The following RBFOX1 variants were observed in gnomAD, a reference collection of about 807,000 sequenced individuals.
RBFOX1 encodes the protein RNA binding protein fox-1 homolog 1.
A neutral mutation model predicts 57.7 loss-of-function variants in RBFOX1; 8 were observed. The ratio of observed to expected loss-of-function variants is 0.14; its 90% confidence interval spans 0.08 to 0.25. The LOEUF (loss-of-function observed/expected upper bound fraction) is 0.25. Among genes scored for constraint, RBFOX1 ranks in the 10% least tolerant of loss-of-function variants. RBFOX1 has a pLI of 1.00. For missense variants in RBFOX1, 611 were observed against 548.5 expected (o/e 1.11, Z -1.14); for synonymous variants, 326 against 222.4 (o/e 1.47, Z -4.15).
At chr16:5,657,973 C>T (rs536290054) in intron 3 of RBFOX1, among the ~76,000 whole-genome samples, 1 of 151,962 alleles carries the variant, frequency 6.6e-6, no homozygotes, top group Non-Finnish European at 1.5e-5. Context: ...TTCAGGTGAT[C>T]CACCCACCTC....
intron 4 of RBFOX1, among the ~76,000 whole-genome samples, chr16:7,391,693 G>A (rs1345045451): frequency 6.6e-6 from 1 of 152,188 alleles, no homozygotes; most frequent in Non-Finnish European, 1.5e-5. Flanking sequence ...AGACTGTAAA[G>A]GCCATGCAGA....
intron 2 of RBFOX1, among the ~76,000 whole-genome samples, chr16:6,480,893 G>A (rs1428081924): frequency 2.6e-5 from 4 of 152,032 alleles, no homozygotes; most frequent in Non-Finnish European, 5.9e-5. Flanking sequence ...CTGCTATATG[G>A]TATTCCATCA....
At chr16:6,219,609 T>A (rs1378865927) in intron 1 of RBFOX1, among the ~76,000 whole-genome samples, 1 of 152,094 alleles carries the variant, frequency 6.6e-6, no homozygotes, top group African/African-American at 2.4e-5. Flanking sequence ...GCGTGGTGGC[T>A]CATGCTTGTA....
intron 4 of RBFOX1, among the ~76,000 whole-genome samples, chr16:7,056,977 A>G (rs1349364313): frequency 1.3e-5 from 2 of 152,080 alleles, no homozygotes; most frequent in Non-Finnish European, 2.9e-5. Context: ...TAAAATAAGA[A>G]TAGCTTTCTC....
At chr16:6,589,456 CA>C (rs1226630464) in intron 2 of RBFOX1, among the ~76,000 whole-genome samples, 2 of 152,164 alleles carry the variant, frequency 1.3e-5, no homozygotes, top group African/African-American at 4.8e-5. Context: ...GGAGATGAGT[CA>C]CTTCCTCGGT....
At chr16:7,549,837 C>T (rs1464930235) in intron 5 of RBFOX1, among the ~76,000 whole-genome samples, 2 of 152,212 alleles carry the variant, frequency 1.3e-5, no homozygotes, top group Non-Finnish European at 2.9e-5. Context: ...TCTTCGGAAA[C>T]ACCCTCACGG....
intron 4 of RBFOX1, among the ~76,000 whole-genome samples, chr16:7,391,367 A>C (rs969418202): frequency 4.6e-5 from 7 of 152,170 alleles, no homozygotes; most frequent in African/African-American, 1.7e-4. Context: ...AAGATCTCCA[A>C]GGATACCAAT....
chr16:6,950,488 G>T (rs1412037988), intron 3 of RBFOX1, among the ~76,000 whole-genome samples: 1 of 152,156 alleles, frequency 6.6e-6, no homozygotes, highest in Non-Finnish European at 1.5e-5. Flanking sequence ...AATGTTTGAT[G>T]ACCTGAATTG....
At chr16:6,603,799 T>G (rs1385532472) in intron 2 of RBFOX1, among the ~76,000 whole-genome samples, 3 of 152,286 alleles carry the variant, frequency 2.0e-5, no homozygotes, top group East Asian at 3.9e-4. Context: ...CCTTTTTTAT[T>G]TCTCGTCCTG....
At chr16:5,647,136 G>A (rs918127689) in intron 3 of RBFOX1, among the ~76,000 whole-genome samples, 27 of 152,146 alleles carry the variant, frequency 1.8e-4, no homozygotes, top group Non-Finnish European at 2.4e-4. Context: ...TGCATCAGTG[G>A]ACAAAATCCT....
chr16:6,991,079 C>T (rs1596310798), intron 3 of RBFOX1, among the ~76,000 whole-genome samples: 2 of 141,694 alleles, frequency 1.4e-5, no homozygotes, highest in South Asian at 4.8e-4. Context: ...AGGTGGGTGG[C>T]CTGCTTCAGC....
chr16:5,837,009 C>T (rs142644854), intron 3 of RBFOX1, among the ~76,000 whole-genome samples: 1 of 152,276 alleles, frequency 6.6e-6, no homozygotes, highest in East Asian at 1.9e-4. Flanking sequence ...TCCCTAGAGC[C>T]CTTGCGTGGT....
At chr16:7,062,058 C>T (rs1665918448) in intron 4 of RBFOX1, among the ~76,000 whole-genome samples, 1 of 151,972 alleles carries the variant, frequency 6.6e-6, no homozygotes, top group Admixed American at 6.6e-5. Context: ...TGGCTCACAC[C>T]TGTAATCCCA....
In RBFOX1 at chr16:7,710,657, G is replaced by C. The variant is rs774141231; in HGVS notation, c.1106G>C (p.Arg369Thr). The change falls in exon 16 of 16, where the codon AGG becomes ACG. Residue 369 changes from arginine (R) to threonine (T), a missense_variant. Around this residue, in one of 3 missense-constraint regions of RBFOX1, gnomAD observed 267 missense variants for 229.1 expected, o/e 1.17. Coordinates refer to ENST00000550418, the MANE Select transcript of RBFOX1 (RefSeq NM_018723.4). ...GCACCTTTGACTGATGCCAAGACTA[G>C]GAGCCATGCTGATGATGTGGGTCTC... Reference protein sequence around the residue: ...AFAPLTDAKTRSHADDVGLVL... With the variant: ...AFAPLTDAKTTSHADDVGLVL... The C allele has an allele frequency of 1.2e-6, 2 of 1,613,330 alleles. No individual in the cohort carries two copies. The highest frequency in any genetic ancestry group is 1.3e-5 in the African/African-American group (1 of 74,872).
At chr16:7,372,574 C>T (rs2097587805) in intron 4 of RBFOX1, among the ~76,000 whole-genome samples, 1 of 152,144 alleles carries the variant, frequency 6.6e-6, no homozygotes, top group South Asian at 2.1e-4. Flanking sequence ...AGGATTGCAT[C>T]TGACTTAGGA....
intron 2 of RBFOX1, among the ~76,000 whole-genome samples, chr16:6,478,425 ATATATTTTTT>A (rs1393972833): frequency 3.4e-3 from 40 of 11,726 alleles, no homozygotes; most frequent in African/African-American, 0.01. Flanking sequence ...ATATATATAT[ATATATTTTTT>A]TTTTTTTTTT....
chr16:7,627,721 G>T (rs1874731387), intron 10 of RBFOX1, among the ~76,000 whole-genome samples: 3 of 152,158 alleles, frequency 2.0e-5, no homozygotes, highest in Non-Finnish European at 4.4e-5. Context: ...ATGCATGGAG[G>T]TTGCAGTGTT....
intron 4 of RBFOX1, among the ~76,000 whole-genome samples, chr16:5,990,412 C>T (rs970876347): frequency 1.4e-4 from 21 of 152,320 alleles, no homozygotes; most frequent in East Asian, 5.8e-4. Flanking sequence ...ATTTCAAGTA[C>T]GTGTTATGAC....
At chr16:5,780,002 C>G (rs1234130756) in intron 3 of RBFOX1, among the ~76,000 whole-genome samples, 1 of 152,138 alleles carries the variant, frequency 6.6e-6, no homozygotes, top group Admixed American at 6.5e-5. Context: ...AGCATGTTTG[C>G]TATTATTATT....
Sources: allele counts gnomAD v4.1 joint callset (sites outside exome capture counted in the v4.1 genomes callset), GRCh38; gene constraint gnomAD v4.1.1; regional missense constraint gnomAD v4.1.1; transcripts MANE v1.5; gene names NCBI Gene and HGNC (gene_info 2026-07-23, HGNC 2026-07-21).